The following ANO10 variants were observed in gnomAD, a reference collection of about 807,000 sequenced individuals.
ANO10 encodes anoctamin 10, also known as anoctamin-10.
Under a neutral mutation model 74.7 loss-of-function variants are expected in ANO10, and 77 were observed. The observed-to-expected ratio is 1.03, with a 90% CI of 0.86 to 1.25. ANO10 has a LOEUF of 1.25. ANO10 is among the 50% of genes most tolerant of loss of function. The pLI, the probability that ANO10 is intolerant of heterozygous loss-of-function variation, is 0.00. For synonymous variants in ANO10, 279 were observed against 284.9 expected, an observed-to-expected ratio of 0.98 and a Z score of 0.21; for missense variants, 721 against 778.1, an observed-to-expected ratio of 0.93 and a Z score of 0.87.
intron 2 of ANO10, among the ~76,000 whole-genome samples, chr3:43,604,285 A>C (rs533305562): frequency 2.3e-4 from 35 of 152,048 alleles, no homozygotes; most frequent in Non-Finnish European, 4.3e-4. Context: ...TATGGATCTC[A>C]AACACTTATC....
In ANO10 at chr3:43,394,822, C is replaced by T. The variant is rs559673881; in HGVS notation, c.1915-27848G>A. ...ATGTAGTAACTGACATGGGCAAGGT[C>T]CTACCACTAATAAGCTTAGGTCTTA... On this transcript the variant is annotated intron_variant, in intron 12 of 12. Transcript: ENST00000292246. Among the ~76,000 whole-genome samples the T allele has an allele frequency of 5.3e-5, 8 of 152,290 alleles. No individual in the cohort carries two copies. The East Asian group carries it at 1.4e-3, about 26-fold the overall frequency.
intron 3 of ANO10, among the ~76,000 whole-genome samples, chr3:43,599,637 G>A (rs977749331): frequency 1.3e-5 from 2 of 152,118 alleles, no homozygotes; most frequent in Non-Finnish European, 2.9e-5. Context: ...CAGGCGCGGT[G>A]GCTCATGCCT....
In ANO10 at chr3:43,577,263, T is replaced by C; in HGVS notation, c.593-2A>G. On this transcript the variant is annotated splice_acceptor_variant, in intron 5 of 12. Coordinates refer to ENST00000292246, the MANE Select transcript of ANO10 (RefSeq NM_018075.5). LOFTEE classifies it high-confidence loss of function. ...CCCCAAAGTAGCCACGAATACTGTC[T>C]ATAGTGGAAACAAAGAAAGAACATA... 6.2e-7 allele frequency: 1 copy of C among 1,613,370 alleles called. No individual in the cohort carries two copies. Among genetic ancestry groups the C allele is most frequent in the Non-Finnish European group, 8.5e-7 (1 of 1,179,526 alleles).
chr3:43,451,453 A>G (rs1486250713), intron 11 of ANO10, among the ~76,000 whole-genome samples: 1 of 152,138 alleles, frequency 6.6e-6, no homozygotes, highest in Non-Finnish European at 1.5e-5. Flanking sequence ...ATCCCTTTCA[A>G]GTGTTGATTC....
intron 12 of ANO10, among the ~76,000 whole-genome samples, chr3:43,368,279 T>C (rs945508519): frequency 1.3e-5 from 2 of 152,158 alleles, no homozygotes; most frequent in South Asian, 4.2e-4. Flanking sequence ...GTGACCAGTT[T>C]ACCTGCGGTG....
At chr3:43,650,125 G>C (rs1302258612) in intron 1 of ANO10, among the ~76,000 whole-genome samples, 3 of 152,220 alleles carry the variant, frequency 2.0e-5, no homozygotes, top group Non-Finnish European at 4.4e-5. Context: ...GAAGAATCAG[G>C]TGACACACGG....
chr3:43,393,144 T>G (rs1156689382), intron 12 of ANO10, among the ~76,000 whole-genome samples: 1 of 152,170 alleles, frequency 6.6e-6, no homozygotes, highest in African/African-American at 2.4e-5. Flanking sequence ...GCCCAGACTT[T>G]CCTCTGAATT....
chr3:43,456,549 T>A (rs1461269621), intron 11 of ANO10, among the ~76,000 whole-genome samples: 1 of 152,180 alleles, frequency 6.6e-6, no homozygotes, highest in Non-Finnish European at 1.5e-5. Flanking sequence ...TCAGAAGCAA[T>A]GAACCAAATT....
chr3:43,659,250 G>A (rs1414306769), intron 1 of ANO10, among the ~76,000 whole-genome samples: 7 of 152,174 alleles, frequency 4.6e-5, no homozygotes, highest in African/African-American at 1.7e-4. Flanking sequence ...AGTAGGGTGG[G>A]GCGTCACCTC....
At chr3:43,602,861 C>T (rs921516150) in intron 2 of ANO10, among the ~76,000 whole-genome samples, 4 of 152,142 alleles carry the variant, frequency 2.6e-5, no homozygotes, top group Admixed American at 2.0e-4. Context: ...TCAGATGACT[C>T]CTTTGTTATT....
chr3:43,677,085 C>A (rs188784627), intron 1 of ANO10, among the ~76,000 whole-genome samples: 1 of 152,144 alleles, frequency 6.6e-6, no homozygotes, highest in Admixed American at 6.5e-5. Flanking sequence ...ACGGAATGAA[C>A]CCAGCTGCCC....
chr3:43,450,410 G>A (rs764909939), intron 11 of ANO10, among the ~76,000 whole-genome samples: 124 of 151,964 alleles, frequency 8.2e-4, no homozygotes, highest in Non-Finnish European at 1.4e-3. Flanking sequence ...GCATGGTGGC[G>A]GACACCTGTA....
chr3:43,376,920 C>T (rs1322805710), intron 12 of ANO10, among the ~76,000 whole-genome samples: 2 of 152,162 alleles, frequency 1.3e-5, no homozygotes, highest in Non-Finnish European at 2.9e-5. Context: ...CTACAATCTT[C>T]TTGTGTATTA....
chr3:43,685,422 G>A (rs936331537), intron 1 of ANO10, among the ~76,000 whole-genome samples: 1 of 152,128 alleles, frequency 6.6e-6, no homozygotes, highest in African/African-American at 2.4e-5. Flanking sequence ...ATATTATGGA[G>A]GTACTAGACT....
At chr3:43,606,466 T>G (rs1451957633) in intron 1 of ANO10, among the ~76,000 whole-genome samples, 1 of 152,054 alleles carries the variant, frequency 6.6e-6, no homozygotes, top group Non-Finnish European at 1.5e-5. Flanking sequence ...AGAGAACTGA[T>G]GTAGTCGGTA....
intron 8 of ANO10, among the ~76,000 whole-genome samples, chr3:43,561,672 TATA>T (rs1246568598): frequency 6.6e-6 from 1 of 152,112 alleles, no homozygotes; most frequent in Non-Finnish European, 1.5e-5. Context: ...CAAATAATGT[TATA>T]ATAAGAAACA....
intron 7 of ANO10, among the ~76,000 whole-genome samples, chr3:43,574,066 T>C (rs2080876779): frequency 6.6e-6 from 1 of 151,656 alleles, no homozygotes; most frequent in Non-Finnish European, 1.5e-5. Flanking sequence ...GCGATTCTCC[T>C]GCCTCAGTCA....
intron 12 of ANO10, among the ~76,000 whole-genome samples, chr3:43,414,191 C>G (rs146214211): frequency 6.6e-6 from 1 of 152,064 alleles, no homozygotes; most frequent in Non-Finnish European, 1.5e-5. Flanking sequence ...AAAAGAAGGG[C>G]GTTCAGATAA....
At position 43,519,355 on chromosome 3, in the gene ANO10, C is replaced by A. The variant is rs376251061; in HGVS notation, c.1797+30365G>T. Among the ~76,000 whole-genome samples the A allele has an allele frequency of 1.1e-4, 16 of 152,236 alleles. 1 individual carries two copies. The highest frequency in any genetic ancestry group is 7.7e-4 in the East Asian group (4 of 5,182). ...ACATACAATTAGATTACAAACTCACCGCTGGAGCACACTACTTCTTTTTCA... is the reference window on the plus strand; with the variant it reads ...ACATACAATTAGATTACAAACTCACAGCTGGAGCACACTACTTCTTTTTCA... On this transcript the variant is annotated intron_variant, in intron 11 of 12. Transcript: ENST00000292246.
Sources: gnomAD v4.1 joint callset for allele counts (sites outside exome capture counted in the v4.1 genomes callset) on GRCh38, gnomAD v4.1.1 for gene constraint, MANE v1.5 for transcripts, NCBI Gene and HGNC (gene_info 2026-07-23, HGNC 2026-07-21) for gene names.